Variants in AZIN1 observed in about 807,000 individuals in gnomAD.
AZIN1 encodes ornithine decarboxylase antizyme inhibitor.
Under a neutral mutation model 47.4 loss-of-function variants are expected in AZIN1, and 12 were observed. The observed-to-expected ratio is 0.25, with a 90% CI of 0.16 to 0.41. AZIN1 has a LOEUF of 0.41. AZIN1 is among the 10% of genes least tolerant of loss of function. The probability of loss-of-function intolerance (pLI) is 1.00; values close to 1 mark genes in which losing one functional copy is unlikely to be tolerated. For synonymous variants in AZIN1, 155 were observed against 176.3 expected (o/e 0.88, Z 0.96); for missense variants, 410 against 532.4 (o/e 0.77, Z 2.26).
At chr8:102,853,718 G>C (rs1415879698) in intron 2 of AZIN1, among the ~76,000 whole-genome samples, 1 of 151,972 alleles carries the variant, frequency 6.6e-6, no homozygotes, top group African/African-American at 2.4e-5. Context: ...TATGCCAAGG[G>C]GATATACAGA....
chr8:102,833,144 G>T lies in AZIN1; in HGVS notation c.816C>A (p.Pro272=), dbSNP rs2304347. 5.0e-6 allele frequency: 8 copies of T among 1,612,964 alleles called. No individual in the cohort carries two copies. Among genetic ancestry groups the T allele is most frequent in the African/African-American group, 1.3e-5 (1 of 74,898 alleles). Residue 272 remains proline, a synonymous_variant, in exon 9 of 12, where the codon CCC becomes CCA. Transcript: ENST00000337198. ...EGSGVKIISE[P]GSYYVSSAFT... is the part of the protein sequence containing the mutation. ...ATGCAGAAGACACATAGTAGCTTCC[G>T]GGTTCTGAAATTATCTTAACACCAG... is the stretch of plus-strand genomic sequence containing the variant.
chr8:102,834,273 GA>G lies in AZIN1; in HGVS notation c.667-11del, dbSNP rs749314557. 2.6e-4 allele frequency: 396 copies of G among 1,540,924 alleles called. No individual in the cohort carries two copies. The highest frequency in any genetic ancestry group is 4.1e-4 in the Admixed American group (23 of 55,644). ...TAAAGCCAATTTCTCCCTAGAGATGGAAAAAAAAAATTTAAATGTTTTTCCA... is the reference window on the plus strand; with the variant it reads ...TAAAGCCAATTTCTCCCTAGAGATGGAAAAAAAAATTTAAATGTTTTTCCA... On this transcript the variant is annotated splice_polypyrimidine_tract_variant and intron_variant, in intron 7 of 11. Coordinates refer to ENST00000337198, the MANE Select transcript of AZIN1 (RefSeq NM_148174.4).
intron 2 of AZIN1, among the ~76,000 whole-genome samples, chr8:102,850,633 T>C (rs1812860777): frequency 6.6e-6 from 1 of 152,166 alleles, no homozygotes; most frequent in African/African-American, 2.4e-5. Flanking sequence ...TCTGCCACCC[T>C]GGACCCCAAA....
chr8:102,836,204 G>A (rs1811813808), intron 6 of AZIN1, 52 bp downstream of exon 6: 3 of 1,558,778 alleles, frequency 1.9e-6, no homozygotes, highest in South Asian at 2.3e-5. Flanking sequence ...CAGAAAGACA[G>A]GTTACCACCA....
intron 8 of AZIN1, 90 bp downstream of exon 8, chr8:102,834,099 T>C (rs1490978092): frequency 3.9e-6 from 4 of 1,027,626 alleles, no homozygotes; most frequent in East Asian, 4.8e-5. Flanking sequence ...GTTTAGTTTC[T>C]GCCATTGTAA....
At chr8:102,862,141 G>A (rs1486674379) in intron 1 of AZIN1, among the ~76,000 whole-genome samples, 1 of 152,074 alleles carries the variant, frequency 6.6e-6, no homozygotes, top group Admixed American at 6.5e-5. Flanking sequence ...TTGACAAAAG[G>A]TTTAGGTTAC....
chr8:102,853,458 C>T (rs757220767), intron 2 of AZIN1, among the ~76,000 whole-genome samples: 1 of 152,066 alleles, frequency 6.6e-6, no homozygotes, highest in Non-Finnish European at 1.5e-5. Context: ...GCTGAAATCG[C>T]GCCACTGCAC....
At chr8:102,828,736 C>T in intron 11 of AZIN1, 58 bp from the exon 12 acceptor site, 1 of 1,031,676 alleles carries the variant, frequency 9.7e-7, no homozygotes, top group Middle Eastern at 2.4e-4. Context: ...CACGTAATCA[C>T]ATAACAAATG....
In AZIN1 at chr8:102,828,517, C is replaced by T; in HGVS notation, c.*50G>A. 8.1e-7 allele frequency: 1 copy of T among 1,228,976 alleles called. No individual in the cohort carries two copies. Among genetic ancestry groups the T allele is most frequent in the East Asian group, 2.4e-5 (1 of 41,604 alleles). The allele number at this position is 1,228,976 out of a possible 1,614,324, so 76.1% of individuals were successfully genotyped here. On this transcript the variant is annotated 3_prime_UTR_variant, in exon 12 of 12. Transcript: ENST00000337198. ...TATTTTTCCACACTGGAATGTTGACCAGACAAGCTTAACCTGCAACTTCAG... is the reference window on the plus strand; with the variant it reads ...TATTTTTCCACACTGGAATGTTGACTAGACAAGCTTAACCTGCAACTTCAG...
intron 5 of AZIN1, among the ~76,000 whole-genome samples, chr8:102,838,154 C>T (rs1406482991): frequency 4.0e-5 from 6 of 151,852 alleles, no homozygotes; most frequent in East Asian, 1.9e-4. Context: ...TGAGCCACTG[C>T]GCCCAGCCTT....
intron 4 of AZIN1, among the ~76,000 whole-genome samples, chr8:102,839,211 C>T (rs1460351653): frequency 6.6e-6 from 1 of 152,158 alleles, no homozygotes; most frequent in Non-Finnish European, 1.5e-5. Flanking sequence ...GAGACGAGGT[C>T]TCACTATGTT....
intron 9 of AZIN1, among the ~76,000 whole-genome samples, chr8:102,831,428 C>T (rs1467691841): frequency 6.6e-6 from 1 of 151,018 alleles, no homozygotes; most frequent in African/African-American, 2.4e-5. Context: ...TGGAAAGAAA[C>T]CTGCCTGACA....
chr8:102,834,364 C>G, intron 7 of AZIN1, 101 bp from the exon 8 acceptor site: 1 of 903,788 alleles, frequency 1.1e-6, no homozygotes, highest in Admixed American at 2.5e-5. Flanking sequence ...CTGTTCTGAT[C>G]TTTAGTACAG....
intron 1 of AZIN1, among the ~76,000 whole-genome samples, chr8:102,861,187 C>T (rs544360706): frequency 1.3e-5 from 2 of 152,188 alleles, no homozygotes; most frequent in East Asian, 1.9e-4. Flanking sequence ...GACTTTGCTG[C>T]GCAACTAAGA....
intron 5 of AZIN1, chr8:102,836,633 T>A: frequency 2.2e-6 from 1 of 445,808 alleles, no homozygotes; most frequent in Non-Finnish European, 4.0e-6. Flanking sequence ...GACTCTGTTG[T>A]AGCATCAAGA....
At chr8:102,859,576 A>T (rs561511708) in intron 1 of AZIN1, among the ~76,000 whole-genome samples, 2 of 152,334 alleles carry the variant, frequency 1.3e-5, no homozygotes, top group African/African-American at 4.8e-5. Flanking sequence ...TTAAATACAA[A>T]AAATAGGGCT....
chr8:102,832,625 T>C (rs1320144366), intron 9 of AZIN1, among the ~76,000 whole-genome samples: 1 of 151,810 alleles, frequency 6.6e-6, no homozygotes, highest in Non-Finnish European at 1.5e-5. Flanking sequence ...TCTTACGGAA[T>C]GGGACCTTGG....
chr8:102,843,789 T>C (rs1187561975), intron 2 of AZIN1, 42 bp from the exon 3 acceptor site: 11 of 1,339,952 alleles, frequency 8.2e-6, no homozygotes, highest in African/African-American at 3.0e-5. Context: ...ATTATTTCAA[T>C]AGACATAATG....
chr8:102,828,425 G>A lies in AZIN1; in HGVS notation c.*142C>T. On this transcript the variant is annotated 3_prime_UTR_variant, in exon 12 of 12. Transcript: ENST00000337198. ...TTATAGATGAAAGCTGATTTTGTCT[G>A]GTCCCAAATAGCTATTACTAATAGT... 1.9e-6 allele frequency: 1 copy of A among 523,108 alleles called. No homozygotes were observed. The highest frequency in any genetic ancestry group is 3.4e-6 in the Non-Finnish European group (1 of 293,536). The allele number at this position is 523,108 out of a possible 1,614,324, so 32.4% of individuals were successfully genotyped here.
Sources: allele counts gnomAD v4.1 joint callset (sites outside exome capture counted in the v4.1 genomes callset), GRCh38; gene constraint gnomAD v4.1.1; transcripts MANE v1.5; gene names NCBI Gene and HGNC (gene_info 2026-07-23, HGNC 2026-07-21).